The following SLC24A2 variants were observed in gnomAD, a reference collection of about 807,000 sequenced individuals.
SLC24A2 encodes sodium/potassium/calcium exchanger 2.
SLC24A2 carries 36 observed loss-of-function variants against 62.0 expected under a neutral mutation model. That is an observed-to-expected ratio of 0.58 (90% confidence interval 0.44 to 0.77). SLC24A2 has a LOEUF of 0.77. Ranked by LOEUF, SLC24A2 falls within the 30% of genes least tolerant of loss-of-function variation. The pLI, the probability that SLC24A2 is intolerant of heterozygous loss-of-function variation, is 0.00. For missense variants in SLC24A2, 846 were observed against 817.9 expected, an observed-to-expected ratio of 1.03 and a Z score of -0.42; for synonymous variants, 358 against 294.0, an observed-to-expected ratio of 1.22 and a Z score of -2.23.
chr9:19,640,701 A>C (rs1270430215), intron 2 of SLC24A2, among the ~76,000 whole-genome samples: 1 of 152,228 alleles, frequency 6.6e-6, no homozygotes, highest in African/African-American at 2.4e-5. Flanking sequence ...TTGCACTTGA[A>C]TCTTCCCTAC....
the SLC24A2 span, among the ~76,000 whole-genome samples, chr9:19,902,796 G>T: frequency 6.6e-6 from 1 of 152,156 alleles, no homozygotes; most frequent in Admixed American, 6.5e-5. Context: ...ACATTAGAAA[G>T]GAAGAAATTG....
the SLC24A2 span, among the ~76,000 whole-genome samples, chr9:20,267,818 A>G: frequency 6.6e-6 from 1 of 152,166 alleles, no homozygotes; most frequent in Non-Finnish European, 1.5e-5. Flanking sequence ...GGCCTGGTTC[A>G]TGGACCTAAG....
chr9:19,803,606 TATAAA>T, the SLC24A2 span, among the ~76,000 whole-genome samples: 1 of 152,216 alleles, frequency 6.6e-6, no homozygotes, highest in Non-Finnish European at 1.5e-5. Context: ...GCCATAAAAA[TATAAA>T]ATAAATGTTT....
the SLC24A2 span, among the ~76,000 whole-genome samples, chr9:20,273,809 T>C: frequency 6.6e-6 from 1 of 152,236 alleles, no homozygotes; most frequent in African/African-American, 2.4e-5. Flanking sequence ...TTCAATCATA[T>C]TTCTACACAA....
chr9:19,594,748 G>C (rs933999942), intron 5 of SLC24A2, among the ~76,000 whole-genome samples: 5 of 152,136 alleles, frequency 3.3e-5, no homozygotes, highest in African/African-American at 1.2e-4. Flanking sequence ...TCCTTAAATT[G>C]TACAACATGA....
At chr9:20,072,738 T>A in the SLC24A2 span, among the ~76,000 whole-genome samples, 1 of 151,270 alleles carries the variant, frequency 6.6e-6, no homozygotes, top group Admixed American at 6.6e-5. Context: ...GAGAGTAGAG[T>A]CCCACCCTTT....
the SLC24A2 span, among the ~76,000 whole-genome samples, chr9:20,112,752 T>G: frequency 6.6e-6 from 1 of 152,022 alleles, no homozygotes; most frequent in African/African-American, 2.4e-5. Flanking sequence ...AGGTGGCTTG[T>G]CTGAAGGCGA....
At chr9:19,858,914 T>G in the SLC24A2 span, among the ~76,000 whole-genome samples, 5 of 152,226 alleles carry the variant, frequency 3.3e-5, no homozygotes, top group African/African-American at 4.8e-5. Flanking sequence ...TTAAAATTAA[T>G]TCAGCAATTG....
At chr9:19,944,164 C>T in the SLC24A2 span, among the ~76,000 whole-genome samples, 2 of 152,112 alleles carry the variant, frequency 1.3e-5, no homozygotes, top group African/African-American at 4.8e-5. Context: ...GTACAATGCT[C>T]AGCACCTAGG....
the SLC24A2 span, among the ~76,000 whole-genome samples, chr9:20,212,767 A>G: frequency 6.6e-6 from 1 of 151,278 alleles, no homozygotes; most frequent in African/African-American, 2.5e-5. Context: ...AACAATAACA[A>G]AACAAGTATG....
At chr9:19,976,530 T>C in the SLC24A2 span, among the ~76,000 whole-genome samples, 1 of 152,250 alleles carries the variant, frequency 6.6e-6, no homozygotes, top group Non-Finnish European at 1.5e-5. Context: ...CCCAGTCATG[T>C]TTCCTGTCAA....
At chr9:19,822,780 A>C in the SLC24A2 span, among the ~76,000 whole-genome samples, 2 of 152,198 alleles carry the variant, frequency 1.3e-5, no homozygotes, top group Non-Finnish European at 2.9e-5. Flanking sequence ...ACAGAATGTA[A>C]GGGAGTGCTC....
At chr9:20,070,116 CT>C in the SLC24A2 span, among the ~76,000 whole-genome samples, 1 of 152,164 alleles carries the variant, frequency 6.6e-6, no homozygotes, top group African/African-American at 2.4e-5. Context: ...TTGTCCAACT[CT>C]TTAATCAATG....
At chr9:19,523,016 A>G (rs1289248256) in intron 9 of SLC24A2, among the ~76,000 whole-genome samples, 1 of 152,234 alleles carries the variant, frequency 6.6e-6, no homozygotes, top group East Asian at 1.9e-4. Flanking sequence ...GGAATTCTAA[A>G]GTAGTGACTG....
intron 2 of SLC24A2, among the ~76,000 whole-genome samples, chr9:19,634,740 T>G (rs992391888): frequency 2.6e-5 from 4 of 152,204 alleles, no homozygotes; most frequent in Non-Finnish European, 5.9e-5. Flanking sequence ...TTTATAGAAC[T>G]TTTTAGGGAA....
the SLC24A2 span, among the ~76,000 whole-genome samples, chr9:19,800,274 G>A: frequency 6.6e-6 from 1 of 152,122 alleles, no homozygotes; most frequent in Non-Finnish European, 1.5e-5. Flanking sequence ...CCACATTCTG[G>A]CCCCTGTAGC....
chr9:20,096,456 C>A, the SLC24A2 span, among the ~76,000 whole-genome samples: 1 of 151,918 alleles, frequency 6.6e-6, no homozygotes, highest in Admixed American at 6.6e-5. Flanking sequence ...TTCCTGTCAT[C>A]GGTTTTTTCT....
intron 7 of SLC24A2, among the ~76,000 whole-genome samples, chr9:19,558,875 C>G (rs1462191529): frequency 1.3e-5 from 2 of 152,114 alleles, no homozygotes; most frequent in Non-Finnish European, 2.9e-5. Context: ...AAGGTATGTG[C>G]CTATATAGTG....
At chr9:19,835,380 T>A in the SLC24A2 span, among the ~76,000 whole-genome samples, 1 of 142,516 alleles carries the variant, frequency 7.0e-6, no homozygotes, top group Admixed American at 7.6e-5. Flanking sequence ...GATGGAGGAA[T>A]ATCTACCAAG....
Sources: allele counts gnomAD v4.1 joint callset (sites outside exome capture counted in the v4.1 genomes callset), GRCh38; gene constraint gnomAD v4.1.1; transcripts MANE v1.5; gene names NCBI Gene and HGNC (gene_info 2026-07-23, HGNC 2026-07-21).